TRIM27: variants seen among roughly 807,000 people sequenced by gnomAD.
The protein encoded by TRIM27 is tripartite motif containing 27, also known as zinc finger protein RFP.
Under a neutral mutation model 57.6 loss-of-function variants are expected in TRIM27, and 12 were observed. That is an observed-to-expected ratio of 0.21 (90% CI 0.13 to 0.34). The LOEUF is 0.34. Ranked by LOEUF, TRIM27 falls within the 10% of genes least tolerant of loss-of-function variation. TRIM27 has a pLI of 1.00. For missense variants in TRIM27, 403 were observed against 656.8 expected, an observed-to-expected ratio of 0.61 and a Z score of 4.22; for synonymous variants, 266 against 259.0, an observed-to-expected ratio of 1.03 and a Z score of -0.26.
chr6:28,922,576 T>C (rs1002949404), intron 1 of TRIM27, among the ~76,000 whole-genome samples: 2 of 152,230 alleles, frequency 1.3e-5, no homozygotes, highest in Non-Finnish European at 2.9e-5. Context: ...CATGGACTCC[T>C]TGAAGGTCAC....
intron 3 of TRIM27, among the ~76,000 whole-genome samples, chr6:28,914,314 T>A (rs1773440245): frequency 6.6e-6 from 1 of 151,758 alleles, no homozygotes; most frequent in Admixed American, 6.6e-5. Context: ...TTTGTATTTT[T>A]AATAGCGACG....
chr6:28,920,116 T>C lies in TRIM27; in HGVS notation c.643A>G (p.Ile215Val). The change falls in exon 3 of 8, where the codon ATC (isoleucine) becomes GTC (valine). Residue 215 changes from isoleucine (I) to valine (V), a missense_variant. Transcript: ENST00000377199. ...GAGAACTGGGTGATGGCACCATTGA[T>C]GCTATTGTAGATGGCCAAGTCTAGC... ...EELDLAIYNSINGAITQFSCN... is the reference protein window; with the variant it reads ...EELDLAIYNSVNGAITQFSCN... 1 of 1,614,218 alleles carries C rather than the reference T, an allele frequency of 6.2e-7. No homozygotes were observed. The highest frequency in any genetic ancestry group is 8.5e-7 in the Non-Finnish European group (1 of 1,180,036).
intron 6 of TRIM27, 68 bp downstream of exon 6, chr6:28,908,740 C>T (rs775352433): frequency 6.6e-7 from 1 of 1,517,716 alleles, no homozygotes; most frequent in South Asian, 1.1e-5. Flanking sequence ...ACGTTTCCCA[C>T]TTTCAGTGCA....
chr6:28,910,431 G>A (rs905039758), intron 4 of TRIM27, among the ~76,000 whole-genome samples: 5 of 152,102 alleles, frequency 3.3e-5, no homozygotes, highest in Non-Finnish European at 5.9e-5. Flanking sequence ...AAGAGTTTGA[G>A]CAATTGTCCT....
chr6:28,917,297 G>A (rs112434923), intron 3 of TRIM27, among the ~76,000 whole-genome samples: 3,476 of 152,182 alleles, frequency 0.023, 105 homozygotes, highest in African/African-American at 0.069. Flanking sequence ...CACGACAGGG[G>A]CTGGGCACGG....
chr6:28,907,394 T>C (rs1772844204), intron 6 of TRIM27, 132 bp from the exon 7 acceptor site: 3 of 857,028 alleles, frequency 3.5e-6, no homozygotes, highest in Non-Finnish European at 5.9e-6. Context: ...TTGTTAGTCA[T>C]GCACTAATTT....
At chr6:28,919,760 T>C (rs1773884710) in intron 3 of TRIM27, among the ~76,000 whole-genome samples, 1 of 152,256 alleles carries the variant, frequency 6.6e-6, no homozygotes, top group Non-Finnish European at 1.5e-5. Flanking sequence ...TTGTCAGTGC[T>C]GTGTAGGCAC....
At chr6:28,917,252 C>T (rs1472613207) in intron 3 of TRIM27, among the ~76,000 whole-genome samples, 1 of 151,902 alleles carries the variant, frequency 6.6e-6, no homozygotes, top group Non-Finnish European at 1.5e-5. Context: ...CCAGAGCAGT[C>T]AAGATTTGAG....
In TRIM27 at chr6:28,908,788, C is replaced by A; in HGVS notation, c.919+20G>T. 1.2e-6 allele frequency: 2 copies of A among 1,612,862 alleles called. No individual in the cohort carries two copies. The highest frequency in any genetic ancestry group is 1.7e-6 in the Non-Finnish European group (2 of 1,179,012). On this transcript the variant is annotated intron_variant, in intron 6 of 7. Transcript: ENST00000377199. ...TCCAAGCAACTTTACATCAAAAGCC[C>A]AGTAGGTAGATAAATTTACCTTGGA...
Position 28,904,040 on chromosome 6 carries a change from C to T in TRIM27, c.*30G>A. The T allele has an allele frequency of 6.3e-7, 1 of 1,584,950 alleles. No homozygotes were observed. The highest frequency in any genetic ancestry group is 8.6e-7 in the Non-Finnish European group (1 of 1,159,810). ...CTTGTGCCTGGCGTAGGATTACAGC[C>T]AACAGCCCTTTTGGCCTGAATTCAC... On this transcript the variant is annotated 3_prime_UTR_variant, in exon 8 of 8. Transcript: ENST00000377199. This position sits in a 1 kb window ranked among gnomAD's most constrained non-coding sequence, Gnocchi z 6.1.
At chr6:28,920,614 TGA>T (rs1773950067) in intron 2 of TRIM27, among the ~76,000 whole-genome samples, 1 of 152,100 alleles carries the variant, frequency 6.6e-6, no homozygotes, top group South Asian at 2.1e-4. Flanking sequence ...ACATAGGCAA[TGA>T]GCGGGAAGCC....
Position 28,903,919 on chromosome 6 carries a change from T to G in TRIM27, c.*151A>C. 1 of 642,868 alleles carries G rather than the reference T, an allele frequency of 1.6e-6. No individual in the cohort carries two copies. Among genetic ancestry groups the G allele is most frequent in the South Asian group, 1.9e-5 (1 of 51,850 alleles). 39.8% of individuals were successfully genotyped at this position (642,868 alleles called of 1,614,324 possible). A position where few individuals can be genotyped will look rare whatever the true frequency, so the allele number is the denominator to read the frequency against. ...ACAATCTGCATGGGAAGGAAAAGGA[T>G]GGTAGAGAACATGGACATCCTGTCT... On this transcript the variant is annotated 3_prime_UTR_variant, in exon 8 of 8. Transcript: ENST00000377199.
chr6:28,916,195 G>A (rs1332740137), intron 3 of TRIM27, among the ~76,000 whole-genome samples: 4 of 152,084 alleles, frequency 2.6e-5, no homozygotes, highest in Admixed American at 1.3e-4. Context: ...GATTACAGGC[G>A]TGAGCCGCCG....
In TRIM27 at chr6:28,923,764, G is replaced by A. The variant is rs1297709796; in HGVS notation, c.-132C>T. On this transcript the variant is annotated 5_prime_UTR_variant, in exon 1 of 8. Transcript: ENST00000377199. Reference sequence around the variant, plus strand: ...GCGGACGGAGGGCGGCGCCTCCCGGGCCCGTATCCCAGACGCGCCCGCGCA... The same window carrying A: ...GCGGACGGAGGGCGGCGCCTCCCGGACCCGTATCCCAGACGCGCCCGCGCA... 7.6e-6 allele frequency: 8 copies of A among 1,051,530 alleles called. No homozygotes were observed. The highest frequency in any genetic ancestry group is 1.1e-5 in the Non-Finnish European group (8 of 755,422). 65.1% of individuals were successfully genotyped at this position (1,051,530 alleles called of 1,614,324 possible).
intron 4 of TRIM27, among the ~76,000 whole-genome samples, chr6:28,910,659 T>G (rs1773134476): frequency 6.6e-6 from 1 of 152,194 alleles, no homozygotes. Context: ...GTTTAAGCCT[T>G]AAGCCAATAA....
chr6:28,913,383 A>G (rs921225232), intron 3 of TRIM27, among the ~76,000 whole-genome samples: 1 of 151,398 alleles, frequency 6.6e-6, no homozygotes, highest in Non-Finnish European at 1.5e-5. Flanking sequence ...ACTAGCTTTT[A>G]TTTCTTCTAT....
chr6:28,920,986 C>G (rs751476449), intron 2 of TRIM27, among the ~76,000 whole-genome samples: 7 of 152,186 alleles, frequency 4.6e-5, no homozygotes, highest in Non-Finnish European at 8.8e-5. Context: ...GCTCTCCCCA[C>G]GATTCCCTCT....
chr6:28,923,690 C>G lies in TRIM27; in HGVS notation c.-58G>C. ...CCCCGGCGCCGAGCTCTGCACTGAG[C>G]CCAACTCTCCGGCGCTCTCTCCGGT... On this transcript the variant is annotated 5_prime_UTR_variant, in exon 1 of 8. Transcript: ENST00000377199. 1 of 1,442,060 alleles carries G rather than the reference C, an allele frequency of 6.9e-7. No individual in the cohort carries two copies. The highest frequency in any genetic ancestry group is 9.2e-7 in the Non-Finnish European group (1 of 1,088,660). 89.3% of individuals were successfully genotyped at this position (1,442,060 alleles called of 1,614,324 possible).
intron 7 of TRIM27, chr6:28,906,932 A>G (rs1581486680): frequency 3.1e-6 from 1 of 323,972 alleles, no homozygotes; most frequent in Non-Finnish European, 5.7e-6. Context: ...GGGCGGGCAG[A>G]GCAGTGTACT....
Sources: gnomAD v4.1 joint callset for allele counts (sites outside exome capture counted in the v4.1 genomes callset) on GRCh38, gnomAD v4.1.1 for gene constraint, Gnocchi (gnomAD v3.1) non-coding constraint, MANE v1.5 for transcripts, NCBI Gene and HGNC (gene_info 2026-07-23, HGNC 2026-07-21) for gene names.